Variants in TCF12 observed in about 807,000 individuals in gnomAD.
The protein encoded by TCF12 is DNA-binding protein HTF4.
In TCF12, 45 loss-of-function variants were observed where a neutral mutation model predicts 86.0. The ratio of observed to expected loss-of-function variants is 0.52; its 90% CI spans 0.41 to 0.67. The LOEUF is 0.67. Ranked by LOEUF, TCF12 falls within the 30% of genes least tolerant of loss-of-function variation. The probability of loss-of-function intolerance (pLI) is 0.00; values close to 1 mark genes in which losing one functional copy is unlikely to be tolerated. For synonymous variants in TCF12, 330 were observed against 299.6 expected, an observed-to-expected ratio of 1.10 and a Z score of -1.05; for missense variants, 881 against 859.9, an observed-to-expected ratio of 1.02 and a Z score of -0.31.
chr15:57,225,241 T>TG, intron 8 of TCF12, among the ~76,000 whole-genome samples: 1 of 132,404 alleles, frequency 7.6e-6, no homozygotes, highest in African/African-American at 3.0e-5. Flanking sequence ...TTTTTTTTTT[T>TG]TTTTTTTTTT....
intron 12 of TCF12, among the ~76,000 whole-genome samples, chr15:57,236,847 A>G (rs1372105049): frequency 3.8e-5 from 5 of 131,328 alleles, no homozygotes; most frequent in Admixed American, 2.3e-4. Flanking sequence ...AAAAAAAAAG[A>G]AAAAAAAAAA....
intron 3 of TCF12, among the ~76,000 whole-genome samples, chr15:57,041,792 T>A (rs555510188): frequency 6.6e-6 from 1 of 152,350 alleles, no homozygotes; most frequent in Non-Finnish European, 1.5e-5. Flanking sequence ...TGGAAATTTA[T>A]AGTAGCCACT....
chr15:57,182,237 A>G lies in TCF12; in HGVS notation c.391-9921A>G. ...AGCTGATACCTAATTTTATTTTAGG[A>G]GAAGAAAAATAAAATAGTTGATGTG... On this transcript the variant is annotated intron_variant, in intron 6 of 20. Coordinates refer to ENST00000333725, the MANE Select transcript of TCF12 (RefSeq NM_207037.2). 1.3e-5 allele frequency among the ~76,000 whole-genome samples: 2 copies of G among 152,012 alleles called. 1 individual carries two copies. Among genetic ancestry groups the G allele is most frequent in the East Asian group, 3.9e-4 (2 of 5,186 alleles).
At chr15:57,161,592 C>G (rs2054508632) in intron 5 of TCF12, among the ~76,000 whole-genome samples, 1 of 152,070 alleles carries the variant, frequency 6.6e-6, no homozygotes, top group Non-Finnish European at 1.5e-5. Context: ...TGCTATTCTA[C>G]TAGAGTTGGG....
chr15:56,952,724 T>A (rs918875011), intron 3 of TCF12, among the ~76,000 whole-genome samples: 2 of 152,202 alleles, frequency 1.3e-5, no homozygotes, highest in African/African-American at 4.8e-5. Context: ...CATTGTATAC[T>A]GTGCAGACTA....
chr15:56,980,789 GT>G (rs1298251852), intron 3 of TCF12, among the ~76,000 whole-genome samples: 3 of 152,122 alleles, frequency 2.0e-5, no homozygotes, highest in African/African-American at 7.2e-5. Context: ...ATGTTTGGCT[GT>G]TTACTCATGT....
intron 3 of TCF12, among the ~76,000 whole-genome samples, chr15:57,061,921 C>T (rs1006905819): frequency 6.6e-6 from 1 of 151,798 alleles, no homozygotes; most frequent in Admixed American, 6.6e-5. Flanking sequence ...AGATAGCTCA[C>T]TGGTGTCTAA....
chr15:57,139,124 C>T (rs2052767846), intron 5 of TCF12, among the ~76,000 whole-genome samples: 1 of 152,112 alleles, frequency 6.6e-6, no homozygotes, highest in Non-Finnish European at 1.5e-5. Flanking sequence ...CTCAGTCAGT[C>T]TCAGTCTGTT....
chr15:57,071,875 A>T (rs75293099), intron 4 of TCF12, among the ~76,000 whole-genome samples: 193 of 152,292 alleles, frequency 1.3e-3, no homozygotes, highest in Middle Eastern at 3.4e-3. Flanking sequence ...GGAAATATGG[A>T]ATGATGGAAA....
intron 3 of TCF12, among the ~76,000 whole-genome samples, chr15:56,979,617 C>T (rs1453607441): frequency 6.6e-6 from 1 of 152,062 alleles, no homozygotes; most frequent in African/African-American, 2.4e-5. Context: ...TAAAGAAATA[C>T]AGTAAGAGAG....
chr15:57,007,792 C>CTT (rs1567241669), intron 3 of TCF12, among the ~76,000 whole-genome samples: 4,076 of 52,568 alleles, frequency 0.078, 179 homozygotes, highest in African/African-American at 0.093. Context: ...CTTTCTTTCT[C>CTT]TCTTTCTTTC....
At chr15:56,975,106 T>G (rs2062533652) in intron 3 of TCF12, among the ~76,000 whole-genome samples, 1 of 152,114 alleles carries the variant, frequency 6.6e-6, no homozygotes, top group East Asian at 1.9e-4. Flanking sequence ...AGGGACAATA[T>G]ATAGCAAACA....
intron 4 of TCF12, among the ~76,000 whole-genome samples, chr15:57,084,212 T>C (rs1853679234): frequency 6.6e-6 from 1 of 152,194 alleles, no homozygotes; most frequent in African/African-American, 2.4e-5. Context: ...TTTATAGTAG[T>C]AGAAGATAAA....
rs1284299984 is a variant in TCF12 at position 57,289,027 on chromosome 15, G to A, written c.*2882G>A. 1 of 152,096 alleles carries A rather than the reference G, an allele frequency of 6.6e-6. No homozygotes were observed. The highest frequency in any genetic ancestry group is 1.5e-5 in the Non-Finnish European group (1 of 68,028). The allele number at this position is 152,096 out of a possible 1,614,324, so 9.4% of individuals were successfully genotyped here. On this transcript the variant is annotated 3_prime_UTR_variant, in exon 21 of 21. Transcript: ENST00000333725. ...AAAAAAGCGTAGGGATTATCCATGAGGACTTCATGCCAAGCAAGAACCTCA... is the reference window on the plus strand; with the variant it reads ...AAAAAAGCGTAGGGATTATCCATGAAGACTTCATGCCAAGCAAGAACCTCA...
chr15:57,210,929 A>G (rs1170401140), intron 8 of TCF12, among the ~76,000 whole-genome samples: 2 of 152,234 alleles, frequency 1.3e-5, no homozygotes, highest in African/African-American at 4.8e-5. Context: ...TGGGCACTGC[A>G]TCTTTATTAC....
In TCF12 at chr15:57,210,314, A is replaced by G. The variant is rs148214406; in HGVS notation, c.579+12489A>G. 4.6e-5 allele frequency among the ~76,000 whole-genome samples: 7 copies of G among 151,244 alleles called. No homozygotes were observed. The East Asian group carries it at 1.4e-3, about 29-fold the overall frequency. On this transcript the variant is annotated intron_variant, in intron 8 of 20. Coordinates refer to ENST00000333725, the MANE Select transcript of TCF12 (RefSeq NM_207037.2). ...GACTCAGACAAGGTATGAGCTACAT[A>G]CTAGATAATCTAAATTATCTTCAGG...
Position 57,232,780 on chromosome 15 carries a change from T to C in TCF12, c.894T>C (p.His298=). The C allele has an allele frequency of 6.2e-7, 1 of 1,612,930 alleles. No individual in the cohort carries two copies. The highest frequency in any genetic ancestry group is 8.5e-7 in the Non-Finnish European group (1 of 1,179,466). Residue 298 remains histidine, a synonymous_variant, in exon 11 of 21, where the codon CAT becomes CAC. Transcript: ENST00000333725. ...GTCTTCCACCAATGTCCAGCTTTCA[T>C]CGCGGCAGTACCAGCAGTTCACCTT... ...NTSLPPMSSF[H]RGSTSSSPYV...
chr15:57,109,782 T>C (rs1017273588), intron 5 of TCF12, among the ~76,000 whole-genome samples: 1 of 152,234 alleles, frequency 6.6e-6, no homozygotes, highest in Admixed American at 6.5e-5. Context: ...TGTCATTAGA[T>C]ATTCTTATCT....
intron 5 of TCF12, among the ~76,000 whole-genome samples, chr15:57,109,797 C>A (rs1293934963): frequency 2.0e-5 from 3 of 152,116 alleles, no homozygotes; most frequent in Non-Finnish European, 4.4e-5. Context: ...TTATCTGAAT[C>A]ATTTATATAT....
Sources: gnomAD v4.1 joint callset for allele counts (sites outside exome capture counted in the v4.1 genomes callset) on GRCh38, gnomAD v4.1.1 for gene constraint, MANE v1.5 for transcripts, NCBI Gene and HGNC (gene_info 2026-07-23, HGNC 2026-07-21) for gene names.